NUDT18: variants seen among roughly 807,000 people sequenced by gnomAD.
NUDT18 encodes nudix hydrolase 18.
In NUDT18, 26 loss-of-function variants were observed where a neutral mutation model predicts 27.6. That is an observed-to-expected ratio of 0.94 (90% CI 0.69 to 1.31). NUDT18 has a LOEUF of 1.31. Among genes scored for constraint, NUDT18 ranks in the 50% most tolerant of loss-of-function variants. The pLI, the probability that NUDT18 is intolerant of heterozygous loss-of-function variation, is 0.00. For synonymous variants in NUDT18, 220 were observed against 196.9 expected (o/e 1.12, Z -0.98); for missense variants, 450 against 433.4 (o/e 1.04, Z -0.34).
Position 22,107,267 on chromosome 8 carries a change from G to A in NUDT18, c.*33C>T. ...ACAAGTCCGCACTGGAGGGAGCACGGCTGCCTAGCTCCCTGTCACCTCCCC... is the reference window on the plus strand; with the variant it reads ...ACAAGTCCGCACTGGAGGGAGCACGACTGCCTAGCTCCCTGTCACCTCCCC... On this transcript the variant is annotated 3_prime_UTR_variant, in exon 3 of 3. Coordinates refer to ENST00000611621, the MANE Select transcript of NUDT18 (RefSeq NM_024815.4). The A allele has an allele frequency of 1.3e-6, 2 of 1,502,984 alleles. No individual in the cohort carries two copies. The highest frequency in any genetic ancestry group is 1.4e-5 in the African/African-American group (1 of 72,332). 93.1% of individuals were successfully genotyped at this position (1,502,984 alleles called of 1,614,324 possible).
chr8:22,109,154 C>T lies in NUDT18; in HGVS notation c.147G>A (p.Val49=). ...RKNVCYVVLA[V]FLSEQDEVLL... ...GGCCGCTCACCTGCTCGCTGAGGAA[C>T]ACGGCCAGCACCACGTAGCACACGT... The change falls in exon 1 of 3, where the codon GTG becomes GTA. Residue 49 remains valine, a synonymous_variant. Transcript: ENST00000611621. 1 of 1,444,578 alleles carries T rather than the reference C, an allele frequency of 6.9e-7. No individual in the cohort carries two copies. The highest frequency in any genetic ancestry group is 9.0e-7 in the Non-Finnish European group (1 of 1,110,572). 89.5% of individuals were successfully genotyped at this position (1,444,578 alleles called of 1,614,324 possible).
At chr8:22,108,045 G>A in intron 2 of NUDT18, 88 bp downstream of exon 2, 1 of 1,383,956 alleles carries the variant, frequency 7.2e-7, no homozygotes, top group East Asian at 2.5e-5. Context: ...GCCATAACAG[G>A]ACTGGCTGTA....
Position 22,109,382 on chromosome 8 carries a change from C to CTCCCAGTCCCTGCGGAGCCCGT in NUDT18, c.-83_-82insACGGGCTCCGCAGGGACTGGGA. 1 of 1,296,666 alleles carries CTCCCAGTCCCTGCGGAGCCCGT rather than the reference C, an allele frequency of 7.7e-7. No homozygotes were observed. The highest frequency in any genetic ancestry group is 9.8e-7 in the Non-Finnish European group (1 of 1,015,272). 80.3% of individuals were successfully genotyped at this position (1,296,666 alleles called of 1,614,324 possible). A position where few individuals can be genotyped will look rare whatever the true frequency, so the allele number is the denominator to read the frequency against. On this transcript the variant is annotated 5_prime_UTR_variant, in exon 1 of 3. Coordinates refer to ENST00000611621, the MANE Select transcript of NUDT18 (RefSeq NM_024815.4). The stretch of plus-strand genomic sequence containing the variant: ...GGGCTAGAGTGCGCTGCGGAGCCCG[C>CTCCCAGTCCCTGCGGAGCCCGT]TCCCAGTCCCTGCGGCAGCGGGCCG...
rs765500059 is a variant in NUDT18 at position 22,107,253 on chromosome 8, C to T, written c.*47G>A. 3 of 1,436,462 alleles carry T rather than the reference C, an allele frequency of 2.1e-6. No individual in the cohort carries two copies. The highest frequency in any genetic ancestry group is 2.8e-6 in the Non-Finnish European group (3 of 1,063,168). 89.0% of individuals were successfully genotyped at this position (1,436,462 alleles called of 1,614,324 possible). A position where few individuals can be genotyped will look rare whatever the true frequency, so the allele number is the denominator to read the frequency against. Reference sequence around the variant, plus strand: ...TCCCTCAGAGGGAGACAAGTCCGCACTGGAGGGAGCACGGCTGCCTAGCTC... The same window carrying T: ...TCCCTCAGAGGGAGACAAGTCCGCATTGGAGGGAGCACGGCTGCCTAGCTC... On this transcript the variant is annotated 3_prime_UTR_variant, in exon 3 of 3. Coordinates refer to ENST00000611621, the MANE Select transcript of NUDT18 (RefSeq NM_024815.4).
At chr8:22,109,561 G>T (rs369167058), upstream of NUDT18, 6 of 517,010 alleles carry the variant, frequency 1.2e-5, no homozygotes, top group Admixed American at 5.6e-5. Flanking sequence ...CTGGAACTGG[G>T]GGGGCACGGG....
chr8:22,109,920 T>G (rs145078134), upstream of NUDT18: 24 of 338,502 alleles, frequency 7.1e-5, no homozygotes, highest in East Asian at 2.5e-3. Context: ...GTGGGGGACA[T>G]AAACCCCTGC....
At chr8:22,109,527 G>T (rs1826434078), upstream of NUDT18, 3 of 447,612 alleles carry the variant, frequency 6.7e-6, no homozygotes. Context: ...ATTCACCGAG[G>T]GGGCGGGGCC....
rs1826384635 is a variant in NUDT18, at chr8:22,107,419, C to T, written c.853G>A (p.Asp285Asn). The T allele has an allele frequency of 6.2e-7, 1 of 1,613,432 alleles. No homozygotes were observed. The highest frequency in any genetic ancestry group is 8.5e-7 in the Non-Finnish European group (1 of 1,179,850). Residue 285 changes from aspartate to asparagine, a missense_variant, in exon 3 of 3, where the codon GAT (aspartate) becomes AAT (asparagine). Physicochemically the swap from Asp to Asn is conservative, Grantham distance 23. Coordinates refer to ENST00000611621, the MANE Select transcript of NUDT18 (RefSeq NM_024815.4). ...TCACCCCGAACTTTTGGGGGTTCAT[C>T]CTGGATCCCTGGGCTCCGAAAAGCC... ...TVAFRSPGIQ[D>N]EPPKVRGENF...
chr8:22,108,060 G>A (rs1826398091), intron 2 of NUDT18, 73 bp downstream of exon 2: 2 of 1,409,586 alleles, frequency 1.4e-6, no homozygotes, highest in African/African-American at 2.9e-5. Context: ...GCTGTAGAGG[G>A]GCTCACCTCA....
At position 22,109,367 on chromosome 8, in the gene NUDT18, G is replaced by C. The variant is rs1448497178; in HGVS notation, c.-67C>G. 13 of 544,182 alleles carry C rather than the reference G, an allele frequency of 2.4e-5. No homozygotes were observed. The South Asian group carries it at 3.7e-4, about 16-fold the overall frequency. 33.7% of individuals were successfully genotyped at this position (544,182 alleles called of 1,614,324 possible). A position where few individuals can be genotyped will look rare whatever the true frequency, so the allele number is the denominator to read the frequency against. The stretch of plus-strand genomic sequence containing the variant: ...ACTGAGCCGAGCCGCGGGCTAGAGT[G>C]CGCTGCGGAGCCCGCTCCCAGTCCC... On this transcript the variant is annotated 5_prime_UTR_variant, in exon 1 of 3. Transcript: ENST00000611621.
chr8:22,108,299 C>T lies in NUDT18; in HGVS notation c.210G>A (p.Ser70=). The change falls in exon 2 of 3, where the codon TCG becomes TCA. Residue 70 remains serine, a synonymous_variant. Coordinates refer to ENST00000611621, the MANE Select transcript of NUDT18 (RefSeq NM_024815.4). The stretch of plus-strand genomic sequence containing the variant: ...CCATTCTCCCCGCAGGCAGGTACCA[C>T]GACCCCCGGCACTCCCTCTTGGCCT... ...IQEAKRECRG[S]WYLPAGRMEP... 2 of 1,590,498 alleles carry T rather than the reference C, an allele frequency of 1.3e-6. No individual in the cohort carries two copies. The highest frequency in any genetic ancestry group is 1.1e-5 in the South Asian group (1 of 87,168).
intron 1 of NUDT18, 32 bp downstream of exon 1, chr8:22,109,107 G>A: frequency 1.4e-6 from 2 of 1,385,342 alleles, no homozygotes; most frequent in Non-Finnish European, 1.9e-6. Flanking sequence ...GCGCGCTCCC[G>A]AGGCCCGGCG....
intron 1 of NUDT18, among the ~76,000 whole-genome samples, chr8:22,108,877 G>T (rs774675113): frequency 6.6e-6 from 1 of 152,178 alleles, no homozygotes; most frequent in Non-Finnish European, 1.5e-5. Context: ...CTATCTGAGG[G>T]GCCCTGGGCA....
chr8:22,109,195 C>G lies in NUDT18; in HGVS notation c.106G>C (p.Val36Leu). Residue 36 changes from valine (V) to leucine (L), a missense_variant, in exon 1 of 3, where the codon GTG becomes CTG. Val to Leu is a conservative substitution (Grantham distance 32, BLOSUM62 1). Transcript: ENST00000611621. ...TAGCACACGTTCTTCCGCAGCCGCA[C>G]GGGCGCCGGCGGCTCCCCGGCCGGC... ...SAPAGEPPAP[V>L]RLRKNVCYVV... The G allele has an allele frequency of 6.9e-7, 1 of 1,447,680 alleles. No homozygotes were observed. The highest frequency in any genetic ancestry group is 9.0e-7 in the Non-Finnish European group (1 of 1,109,804). The allele number at this position is 1,447,680 out of a possible 1,614,324, so 89.7% of individuals were successfully genotyped here.
At position 22,108,366 on chromosome 8, in the gene NUDT18, T is replaced by G. The variant is rs769370079; in HGVS notation, c.163-20A>C. On this transcript the variant is annotated intron_variant, in intron 1 of 2. Coordinates refer to ENST00000611621, the MANE Select transcript of NUDT18 (RefSeq NM_024815.4). The stretch of plus-strand genomic sequence containing the variant: ...CTCATCCTGAGAGGAGAGAGGATCC[T>G]CACTTCCTGCCACAGCCTTCCCTCG... 1 of 1,547,244 alleles carries G rather than the reference T, an allele frequency of 6.5e-7. No individual in the cohort carries two copies. Among genetic ancestry groups the G allele is most frequent in the African/African-American group, 1.4e-5 (1 of 72,870 alleles).
At position 22,108,293 on chromosome 8, in the gene NUDT18, G is replaced by A; in HGVS notation, c.216C>T (p.Tyr72=). ...CTGGCTCCATTCTCCCCGCAGGCAG[G>A]TACCACGACCCCCGGCACTCCCTCT... ...EAKRECRGSW[Y]LPAGRMEPGE... is the part of the protein sequence containing the mutation. The change falls in exon 2 of 3, where the codon TAC becomes TAT. Residue 72 remains tyrosine (Y), a synonymous_variant. Transcript: ENST00000611621. The A allele has an allele frequency of 6.3e-7, 1 of 1,593,026 alleles. No homozygotes were observed. The highest frequency in any genetic ancestry group is 8.5e-7 in the Non-Finnish European group (1 of 1,171,228).
chr8:22,108,222 G>A lies in NUDT18; in HGVS notation c.287C>T (p.Ala96Val), dbSNP rs777406919. Reference sequence around the variant, plus strand: ...TGTCTCGGGCTCACAGTGCAGCCCCGCCTCCTCCTTCACCTCCCGCTGCAG... The same window carrying A: ...TGTCTCGGGCTCACAGTGCAGCCCCACCTCCTCCTTCACCTCCCGCTGCAG... The part of the protein sequence containing the change: ...EALQREVKEE[A>V]GLHCEPETLL... Residue 96 changes from alanine to valine, a missense_variant, in exon 2 of 3, where the codon GCG (alanine) becomes GTG (valine). Ala to Val is a moderately conservative substitution (Grantham distance 64). Coordinates refer to ENST00000611621, the MANE Select transcript of NUDT18 (RefSeq NM_024815.4). 4 of 1,596,476 alleles carry A rather than the reference G, an allele frequency of 2.5e-6. No individual in the cohort carries two copies. The Admixed American group carries it at 5.2e-5, about 21-fold the overall frequency.
Position 22,109,238 on chromosome 8 carries a change from C to G in NUDT18, c.63G>C (p.Val21=). 2 of 1,425,808 alleles carry G rather than the reference C, an allele frequency of 1.4e-6. No individual in the cohort carries two copies. The highest frequency in any genetic ancestry group is 1.8e-6 in the Non-Finnish European group (2 of 1,098,388). The allele number at this position is 1,425,808 out of a possible 1,614,324, so 88.3% of individuals were successfully genotyped here. ...ASVLAGQGSS[V]HSCDSAPAGE... ...CGGCCGGCGCCGAGTCGCAGCTGTG[C>G]ACGCTGGACCCCTGGCCAGCCAGCA... Residue 21 remains valine (V), a synonymous_variant, in exon 1 of 3, where the codon GTG becomes GTC. Transcript: ENST00000611621.
intron 1 of NUDT18, 52 bp from the exon 2 acceptor site, chr8:22,108,398 G>A (rs1826406174): frequency 6.8e-7 from 1 of 1,480,554 alleles, no homozygotes. Context: ...CTCGCCCCGG[G>A]ACCAGGGGGC....
Sources: allele counts gnomAD v4.1 joint callset (sites outside exome capture counted in the v4.1 genomes callset), GRCh38; gene constraint gnomAD v4.1.1; transcripts MANE v1.5; gene names NCBI Gene and HGNC (gene_info 2026-07-23, HGNC 2026-07-21).